LRMDA: variants seen among roughly 807,000 people sequenced by gnomAD.
LRMDA encodes leucine-rich melanocyte differentiation-associated protein.
LRMDA carries 18 observed loss-of-function variants against 29.8 expected under a neutral mutation model. The observed-to-expected ratio is 0.60, with a 90% CI of 0.42 to 0.90. LRMDA has a LOEUF of 0.90. LRMDA is among the 40% of genes least tolerant of loss of function. The pLI is 0.00. For synonymous variants in LRMDA, 125 were observed against 109.4 expected (o/e 1.14, Z -0.89); for missense variants, 273 against 273.9 (o/e 1.00, Z 0.02).
chr10:75,555,153 A>G (rs1840199069), intron 2 of LRMDA, among the ~76,000 whole-genome samples: 1 of 152,140 alleles, frequency 6.6e-6, no homozygotes, highest in African/African-American at 2.4e-5. Context: ...AGAGAGTTCT[A>G]GAGAAAACTA....
intron 5 of LRMDA, among the ~76,000 whole-genome samples, chr10:76,156,159 G>A (rs1850533817): frequency 6.6e-6 from 1 of 152,168 alleles, no homozygotes; most frequent in African/African-American, 2.4e-5. Context: ...GGAAGTGTCG[G>A]TGTTATTGTG....
In LRMDA at chr10:75,610,051, G is replaced by A. The variant is rs566460280; in HGVS notation, c.131+171557G>A. Reference sequence around the variant, plus strand: ...ACAAACTGGGTAAATTACAGCTTCCGAACTGGTGAACATACTTAATTTTTT... The same window carrying A: ...ACAAACTGGGTAAATTACAGCTTCCAAACTGGTGAACATACTTAATTTTTT... On this transcript the variant is annotated intron_variant, in intron 2 of 6. Transcript: ENST00000611255. 4.6e-5 allele frequency among the ~76,000 whole-genome samples: 7 copies of A among 152,190 alleles called. No individual in the cohort carries two copies. The East Asian group carries it at 9.7e-4, about 21-fold the overall frequency.
rs534933619 is a variant in LRMDA, at chr10:75,779,280, C to G, written c.132-256728C>G. On this transcript the variant is annotated intron_variant, in intron 2 of 6. Coordinates refer to ENST00000611255, the MANE Select transcript of LRMDA (RefSeq NM_001305581.2). ...TTTGACCCCTTTTGCCCCTCTCCCC[C>G]ACCCCAATAAAAGCAAGAAATAACT... Among the ~76,000 whole-genome samples the G allele has an allele frequency of 3.9e-3, 595 of 152,246 alleles. 4 individuals are homozygous for G. The highest frequency in any genetic ancestry group is 0.012 in the African/African-American group (480 of 41,548).
intron 5 of LRMDA, among the ~76,000 whole-genome samples, chr10:76,128,254 GA>G (rs1849921001): frequency 6.6e-6 from 1 of 152,228 alleles, no homozygotes; most frequent in Non-Finnish European, 1.5e-5. Flanking sequence ...GGAGGAAAAT[GA>G]GGGTTTTCAG....
At chr10:76,491,431 A>G (rs1842832765) in intron 6 of LRMDA, among the ~76,000 whole-genome samples, 1 of 151,934 alleles carries the variant, frequency 6.6e-6, no homozygotes, top group Admixed American at 6.6e-5. Context: ...TGTGAAGGAC[A>G]TTTTCACCAG....
intron 5 of LRMDA, among the ~76,000 whole-genome samples, chr10:76,254,569 CTT>C (rs1477215204): frequency 6.6e-6 from 1 of 152,066 alleles, no homozygotes; most frequent in Non-Finnish European, 1.5e-5. Flanking sequence ...TACCACCAAT[CTT>C]TTTATTTTTT....
chr10:76,441,483 A>G (rs1842302251), intron 6 of LRMDA, among the ~76,000 whole-genome samples: 4 of 152,222 alleles, frequency 2.6e-5, no homozygotes, highest in South Asian at 4.1e-4. Context: ...ACTGTTAAAC[A>G]AGTAATGCAC....
chr10:76,464,687 T>G (rs1338761702), intron 6 of LRMDA: 2 of 152,222 alleles, frequency 1.3e-5, no homozygotes, highest in Non-Finnish European at 2.9e-5. Context: ...AATTTTGTTT[T>G]TTGAGCAGCT....
At chr10:75,593,666 A>AT (rs1291758169) in intron 2 of LRMDA, among the ~76,000 whole-genome samples, 1 of 152,246 alleles carries the variant, frequency 6.6e-6, no homozygotes, top group Non-Finnish European at 1.5e-5. Context: ...ACAATTACAG[A>AT]TTTTCCTTCC....
At chr10:76,050,758 A>T (rs1364596023) in intron 4 of LRMDA, among the ~76,000 whole-genome samples, 1 of 152,250 alleles carries the variant, frequency 6.6e-6, no homozygotes, top group Non-Finnish European at 1.5e-5. Flanking sequence ...AATATGGGAA[A>T]GTTGGGTGCC....
At chr10:75,594,586 A>C (rs905831636) in intron 2 of LRMDA, among the ~76,000 whole-genome samples, 53 of 152,222 alleles carry the variant, frequency 3.5e-4, no homozygotes, top group African/African-American at 1.2e-3. Context: ...GCAAACTCTC[A>C]ATGGGCCAGT....
intron 5 of LRMDA, among the ~76,000 whole-genome samples, chr10:76,114,103 A>G (rs1344741571): frequency 6.6e-6 from 1 of 152,160 alleles, no homozygotes; most frequent in African/African-American, 2.4e-5. Context: ...CTCTGTAAAG[A>G]TGATAAATTC....
At chr10:75,531,197 C>T (rs372832616) in intron 2 of LRMDA, among the ~76,000 whole-genome samples, 3 of 152,112 alleles carry the variant, frequency 2.0e-5, no homozygotes, top group Non-Finnish European at 4.4e-5. Context: ...TAGACAGACA[C>T]GACCACAGGG....
chr10:75,900,502 A>G (rs1383584956), intron 2 of LRMDA, among the ~76,000 whole-genome samples: 2 of 152,242 alleles, frequency 1.3e-5, no homozygotes, highest in Non-Finnish European at 1.5e-5. Flanking sequence ...CCATTAGTAC[A>G]TGATGGAGGA....
At chr10:76,063,114 C>T (rs2132059793) in intron 5 of LRMDA, among the ~76,000 whole-genome samples, 1 of 152,314 alleles carries the variant, frequency 6.6e-6, no homozygotes, top group South Asian at 2.1e-4. Context: ...TGTTTACAGG[C>T]ATGTATACAA....
At chr10:76,448,294 A>AT (rs1422846470) in intron 6 of LRMDA, among the ~76,000 whole-genome samples, 1 of 152,062 alleles carries the variant, frequency 6.6e-6, no homozygotes, top group Non-Finnish European at 1.5e-5. Flanking sequence ...TTCAAAAGCA[A>AT]TTTTTTTAAC....
At chr10:75,979,763 A>G (rs1847133412) in intron 2 of LRMDA, among the ~76,000 whole-genome samples, 1 of 151,920 alleles carries the variant, frequency 6.6e-6, no homozygotes, top group Non-Finnish European at 1.5e-5. Flanking sequence ...CAGCTAGTCC[A>G]TATGTGCCAG....
intron 2 of LRMDA, among the ~76,000 whole-genome samples, chr10:75,930,381 T>G (rs918267401): frequency 1.3e-5 from 2 of 152,088 alleles, no homozygotes; most frequent in African/African-American, 4.8e-5. Flanking sequence ...ACTGGAGCCT[T>G]TGCACACTGC....
At chr10:76,296,296 C>A (rs2132354373) in intron 5 of LRMDA, among the ~76,000 whole-genome samples, 1 of 152,294 alleles carries the variant, frequency 6.6e-6, no homozygotes, top group South Asian at 2.1e-4. Flanking sequence ...GCCAAGGTTG[C>A]ACGTTTAGAA....
Sources: allele counts gnomAD v4.1 joint callset (sites outside exome capture counted in the v4.1 genomes callset), GRCh38; gene constraint gnomAD v4.1.1; transcripts MANE v1.5; gene names NCBI Gene and HGNC (gene_info 2026-07-23, HGNC 2026-07-21).